Variants in FGD2 observed in about 807,000 individuals in gnomAD.
FGD2 encodes the protein FYVE, RhoGEF and PH domain-containing protein 2.
Under a neutral mutation model 75.9 loss-of-function variants are expected in FGD2, and 52 were observed. The observed-to-expected ratio is 0.69, with a 90% CI of 0.55 to 0.86. The LOEUF (loss-of-function observed/expected upper bound fraction) is 0.86. Among genes scored for constraint, FGD2 ranks in the 40% least tolerant of loss-of-function variants. The pLI is 0.00. For missense variants in FGD2, 790 were observed against 872.0 expected, an observed-to-expected ratio of 0.91 and a Z score of 1.18; for synonymous variants, 347 against 348.6, an observed-to-expected ratio of 1.00 and a Z score of 0.05.
At position 37,011,800 on chromosome 6, in the gene FGD2, A is replaced by G. The variant is rs772295712; in HGVS notation, c.473A>G (p.Tyr158Cys). The change falls in exon 4 of 16, where the codon TAT becomes TGT. Residue 158 changes from tyrosine (Y) to cysteine (C), a missense_variant. Transcript: ENST00000274963. ...RVIFSNISSIYQFHSQFFLPE... is the reference protein window; with the variant it reads ...RVIFSNISSICQFHSQFFLPE... ...ATCTTCTCCAACATCTCCTCCATCT[A>G]TCAGTTCCATTCTCAGTTCTTCCTC... 1 of 1,614,022 alleles carries G rather than the reference A, an allele frequency of 6.2e-7. No homozygotes were observed. The highest frequency in any genetic ancestry group is 1.1e-5 in the South Asian group (1 of 91,066).
At position 37,028,086 on chromosome 6, in the gene FGD2, C is replaced by T. The variant is rs774689896; in HGVS notation, c.1891C>T (p.Arg631Cys). 2.1e-5 allele frequency: 34 copies of T among 1,613,560 alleles called. No homozygotes were observed. Among genetic ancestry groups the T allele is most frequent in the South Asian group, 8.8e-5 (8 of 91,076 alleles). The change falls in exon 16 of 16, where the codon CGC becomes TGC. Residue 631 changes from arginine to cysteine, a missense_variant. By Grantham distance (180) the Arg-to-Cys change is radical. Coordinates refer to ENST00000274963, the MANE Select transcript of FGD2 (RefSeq NM_173558.4). ...FKAETEELKG[R>C]WVKAMERAAS... ...GGCCGAGACGGAGGAGCTGAAGGGC[C>T]GCTGGGTGAAGGCCATGGAGCGGGC...
intron 4 of FGD2, chr6:37,013,311 G>A (rs1337459974): frequency 2.6e-5 from 11 of 422,046 alleles, no homozygotes; most frequent in Admixed American, 9.2e-5. Context: ...GGTAGCCCTC[G>A]TTATTGTTAC....
intron 3 of FGD2, 60 bp from the exon 4 acceptor site, chr6:37,011,645 CG>C: frequency 6.2e-7 from 1 of 1,607,092 alleles, no homozygotes; most frequent in South Asian, 1.1e-5. Context: ...CTAGTTCCCC[CG>C]GGCTGATGTG....
rs145883518 is a variant in FGD2 at position 37,013,968 on chromosome 6, G to A, written c.691G>A (p.Glu231Lys). 1,852 of 1,613,468 alleles carry A rather than the reference G, an allele frequency of 1.1e-3. 4 individuals carry two copies. The highest frequency in any genetic ancestry group is 1.9e-3 in the South Asian group (170 of 91,036). ...TCCCCCATCCCTCCCCAAGAGCAGCGAGGCTTCGGGCAGCCTGACCCTGCA... is the reference window on the plus strand; with the variant it reads ...TCCCCCATCCCTCCCCAAGAGCAGCAAGGCTTCGGGCAGCCTGACCCTGCA... ...QEVLTRIQSS[E>K]ASGSLTLQHH... Residue 231 changes from glutamate (E) to lysine (K), a missense_variant, in exon 6 of 16, where the codon GAG becomes AAG. Glu to Lys is a moderately conservative substitution (Grantham distance 56). Transcript: ENST00000274963.
At chr6:37,007,367 G>A (rs184393749) in intron 1 of FGD2, among the ~76,000 whole-genome samples, 59 of 152,292 alleles carry the variant, frequency 3.9e-4, no homozygotes, top group East Asian at 1.4e-3. Flanking sequence ...TGCCAAGCTC[G>A]TCCTGTTCAG....
rs903583340 is a variant in FGD2 at position 37,024,757 on chromosome 6, T to G, written c.1459-1035T>G. On this transcript the variant is annotated intron_variant, in intron 13 of 15. Transcript: ENST00000274963. ...TGGGGCTGTGCCCTGACCGTGGGTT[T>G]CTCTTGCCTGTGCAGATCTTCGTGC... The G allele has an allele frequency of 2.6e-5, 4 of 152,344 alleles. 1 individual carries two copies. Among genetic ancestry groups the G allele is most frequent in the Admixed American group, 1.3e-4 (2 of 15,308 alleles). The allele number at this position is 152,344 out of a possible 1,614,324, so 9.4% of individuals were successfully genotyped here.
chr6:37,022,471 C>G (rs1372457191), intron 13 of FGD2, 101 bp downstream of exon 13: 1 of 1,420,460 alleles, frequency 7.0e-7, no homozygotes. Flanking sequence ...TCCGCTTGAT[C>G]CACCTAGGCC....
At chr6:37,025,721 C>A in intron 13 of FGD2, 71 bp from the exon 14 acceptor site, 1 of 1,580,728 alleles carries the variant, frequency 6.3e-7, no homozygotes, top group Non-Finnish European at 8.7e-7. Flanking sequence ...CCCCCACCTG[C>A]CCACCAAGGC....
Position 37,008,868 on chromosome 6 carries a change from G to T in FGD2, c.103G>T (p.Glu35Ter). ...AGCAGCACCCAGAGGCCAGAGGCTA[G>T]AGGACGTGCATCACCGCCCTGAGTG... ...PEAAPRGQRLEDVHHRPECRP... is the reference protein window; with the variant it reads ...PEAAPRGQRL Residue 35 changes from glutamate (E) to a stop codon, truncating the protein, a stop_gained, in exon 2 of 16, where the codon GAG becomes TAG. Coordinates refer to ENST00000274963, the MANE Select transcript of FGD2 (RefSeq NM_173558.4). LOFTEE classifies it high-confidence loss of function. 1 of 1,611,370 alleles carries T rather than the reference G, an allele frequency of 6.2e-7. No individual in the cohort carries two copies. Among genetic ancestry groups the T allele is most frequent in the Non-Finnish European group, 8.5e-7 (1 of 1,178,028 alleles).
At position 37,021,504 on chromosome 6, in the gene FGD2, C is replaced by G. The variant is rs757133216; in HGVS notation, c.1234-8C>G. 9.9e-6 allele frequency: 16 copies of G among 1,612,182 alleles called. No individual in the cohort carries two copies. In the African/African-American group the frequency reaches 2.1e-4, roughly 22 times the overall value. On this transcript the variant is annotated splice_region_variant and splice_polypyrimidine_tract_variant and intron_variant, in intron 11 of 15. Coordinates refer to ENST00000274963, the MANE Select transcript of FGD2 (RefSeq NM_173558.4). ...CAAGCCCCGACCCTCCCCCTCCCTG[C>G]ACCCCAGGCCTTCCAAGCAGCCATT...
In FGD2 at chr6:37,021,570, C is replaced by T; in HGVS notation, c.1292C>T (p.Ala431Val). The T allele has an allele frequency of 1.2e-6, 2 of 1,614,066 alleles. No individual in the cohort carries two copies. The highest frequency in any genetic ancestry group is 1.7e-4 in the Middle Eastern group (1 of 6,058). The part of the protein sequence containing the change: ...EKRNETFKAA[A>V]QGPEGDIQEQ... ...CGGAATGAAACCTTCAAGGCTGCGG[C>T]CCAGGGGCCTGAGGGAGACATCCAG... is the stretch of plus-strand genomic sequence containing the variant. The change falls in exon 12 of 16, where the codon GCC (alanine) becomes GTC (valine). Residue 431 changes from alanine to valine, a missense_variant. Coordinates refer to ENST00000274963, the MANE Select transcript of FGD2 (RefSeq NM_173558.4).
chr6:37,013,394 C>A, intron 4 of FGD2: 1 of 1,362,194 alleles, frequency 7.3e-7, no homozygotes, highest in Non-Finnish European at 9.5e-7. Flanking sequence ...TGGATGAGGC[C>A]AACCTGGGAC....
At chr6:37,022,660 C>T (rs550900896) in intron 13 of FGD2, 42 of 303,076 alleles carry the variant, frequency 1.4e-4, no homozygotes, top group African/African-American at 7.4e-4. Flanking sequence ...TGTCCCACCT[C>T]GGCCTCCACC....
rs112580362 is a variant in FGD2, at chr6:37,023,073, C to T, written c.1458+703C>T. The T allele has an allele frequency of 3.7e-3, 579 of 155,538 alleles. 2 individuals are homozygous for T. The highest frequency in any genetic ancestry group is 0.013 in the African/African-American group (522 of 41,628). The allele number at this position is 155,538 out of a possible 1,614,324, so 9.6% of individuals were successfully genotyped here. On this transcript the variant is annotated intron_variant, in intron 13 of 15. Coordinates refer to ENST00000274963, the MANE Select transcript of FGD2 (RefSeq NM_173558.4). ...GTTCTAGTGGAGGGGCATCTAGCCC[C>T]GCACCCCCTCAGGCCTTGCCCCACC...
In FGD2 at chr6:37,014,690, G is replaced by A. The variant is rs770883477; in HGVS notation, c.868G>A (p.Ala290Thr). The A allele has an allele frequency of 3.1e-6, 5 of 1,614,052 alleles. No individual in the cohort carries two copies. Among genetic ancestry groups the A allele is most frequent in the Non-Finnish European group, 4.2e-6 (5 of 1,179,998 alleles). Reference sequence around the variant, plus strand: ...CTCAGCTGCCCAGCACTCCAATGCAGCCATCACTGAGATGGTAAGCAGCCC... The same window carrying A: ...CTCAGCTGCCCAGCACTCCAATGCAACCATCACTGAGATGGTAAGCAGCCC... Reference protein sequence around the residue: ...IFSAAQHSNAAITEMERLQDL... With the variant: ...IFSAAQHSNATITEMERLQDL... Residue 290 changes from alanine to threonine, a missense_variant, in exon 7 of 16, where the codon GCC (alanine) becomes ACC (threonine). Ala to Thr is a moderately conservative substitution (Grantham distance 58). Transcript: ENST00000274963.
chr6:37,015,649 G>T (rs1765247783), intron 8 of FGD2, 119 bp from the exon 9 acceptor site: 1 of 882,844 alleles, frequency 1.1e-6, no homozygotes, highest in African/African-American at 1.7e-5. Context: ...GCCAGAGTGT[G>T]TTCAAAGGGG....
In FGD2 at chr6:37,014,713, C is replaced by T. The variant is rs560978394; in HGVS notation, c.882+9C>T. Reference sequence around the variant, plus strand: ...CAGCCATCACTGAGATGGTAAGCAGCCCGCCCTCTCCTGGAGCCCTGTCCC... The same window carrying T: ...CAGCCATCACTGAGATGGTAAGCAGTCCGCCCTCTCCTGGAGCCCTGTCCC... On this transcript the variant is annotated intron_variant, in intron 7 of 15. Transcript: ENST00000274963. 5 of 1,614,000 alleles carry T rather than the reference C, an allele frequency of 3.1e-6. No individual in the cohort carries two copies. Among genetic ancestry groups the T allele is most frequent in the East Asian group, 2.2e-5 (1 of 44,888 alleles).
At chr6:37,014,443 G>A in intron 6 of FGD2, 1 of 645,334 alleles carries the variant, frequency 1.5e-6, no homozygotes, top group South Asian at 2.0e-5. Context: ...ACACCTAATG[G>A]CTAACGTTCA....
chr6:37,021,420 C>A, intron 11 of FGD2, 92 bp from the exon 12 acceptor site: 1 of 1,177,652 alleles, frequency 8.5e-7, no homozygotes, highest in Non-Finnish European at 1.2e-6. Flanking sequence ...GGGCTTTCAG[C>A]CCTGTCTGTT....
Sources: gnomAD v4.1 joint callset for allele counts (sites outside exome capture counted in the v4.1 genomes callset) on GRCh38, gnomAD v4.1.1 for gene constraint, MANE v1.5 for transcripts, NCBI Gene and HGNC (gene_info 2026-07-23, HGNC 2026-07-21) for gene names.